TULP4: variants seen among roughly 807,000 people sequenced by gnomAD.
The protein encoded by TULP4 is TUB like protein 4.
Under a neutral mutation model 129.0 loss-of-function variants are expected in TULP4, and 16 were observed. The ratio of observed to expected loss-of-function variants is 0.12; its 90% CI spans 0.08 to 0.19. The LOEUF (loss-of-function observed/expected upper bound fraction) is 0.19, where lower values mean the gene tolerates loss of function less well. Ranked by LOEUF, TULP4 falls within the 10% of genes least tolerant of loss-of-function variation. The pLI, the probability that TULP4 is intolerant of heterozygous loss-of-function variation, is 1.00. For synonymous variants in TULP4, 998 were observed against 854.0 expected (o/e 1.17, Z -2.94); for missense variants, 1,842 against 2,059.1 (o/e 0.89, Z 2.04).
At chr6:158,473,605 G>C (rs1011848056) in intron 6 of TULP4, among the ~76,000 whole-genome samples, 1 of 152,168 alleles carries the variant, frequency 6.6e-6, no homozygotes, top group African/African-American at 2.4e-5. Flanking sequence ...TGCAACCTCT[G>C]CCTCCCGGGT....
chr6:158,378,649 T>C (rs1453249894), intron 1 of TULP4, among the ~76,000 whole-genome samples: 1 of 151,964 alleles, frequency 6.6e-6, no homozygotes, highest in Admixed American at 6.6e-5. Flanking sequence ...TGTGCCCGGC[T>C]GATTTTTGTA....
intron 5 of TULP4, among the ~76,000 whole-genome samples, chr6:158,461,169 T>C (rs1779414805): frequency 6.6e-6 from 1 of 152,188 alleles, no homozygotes; most frequent in South Asian, 2.1e-4. Context: ...CCCAGCACTT[T>C]GGGAGGCCAA....
chr6:158,492,178 T>A (rs1250068171), intron 9 of TULP4, among the ~76,000 whole-genome samples: 2 of 152,212 alleles, frequency 1.3e-5, no homozygotes, highest in African/African-American at 2.4e-5. Context: ...TCTTCTAGAT[T>A]TGAATCCTTT....
chr6:158,404,649 G>A (rs970020674), intron 1 of TULP4, among the ~76,000 whole-genome samples: 32 of 152,004 alleles, frequency 2.1e-4, no homozygotes, highest in African/African-American at 7.5e-4. Flanking sequence ...GGTGGTGCAC[G>A]CCTGTAATCC....
At chr6:158,461,209 C>T (rs1779416254) in intron 5 of TULP4, among the ~76,000 whole-genome samples, 1 of 152,104 alleles carries the variant, frequency 6.6e-6, no homozygotes, top group Non-Finnish European at 1.5e-5. Context: ...GTCGGGAGTT[C>T]GAGACCAGCC....
At chr6:158,239,096 G>A (rs1777792243) in intron 1 of TULP4, among the ~76,000 whole-genome samples, 2 of 117,314 alleles carry the variant, frequency 1.7e-5, no homozygotes, top group South Asian at 6.0e-4. Context: ...GCGGCTGGCC[G>A]GGCAGAGGGG....
intron 1 of TULP4, among the ~76,000 whole-genome samples, chr6:158,274,562 G>T (rs530180660): frequency 2.0e-5 from 3 of 152,056 alleles, no homozygotes; most frequent in Admixed American, 1.3e-4. Context: ...GGATCATGAG[G>T]TCAGGAGATC....
chr6:158,240,323 G>A (rs1583665978), intron 1 of TULP4, among the ~76,000 whole-genome samples: 2 of 86,586 alleles, frequency 2.3e-5, no homozygotes, highest in East Asian at 4.7e-4. Context: ...CTCCCGGACG[G>A]GGCGGCTGGC....
At chr6:158,392,716 A>G (rs1363147237) in intron 1 of TULP4, among the ~76,000 whole-genome samples, 2 of 149,988 alleles carry the variant, frequency 1.3e-5, no homozygotes, top group East Asian at 3.9e-4. Flanking sequence ...CTGAGTGGTG[A>G]AGCATTTTGG....
intron 1 of TULP4, among the ~76,000 whole-genome samples, chr6:158,391,181 G>A (rs1008441851): frequency 6.6e-6 from 1 of 152,214 alleles, no homozygotes; most frequent in Non-Finnish European, 1.5e-5. Flanking sequence ...TTCTTATACA[G>A]TGTAGTGTTT....
At chr6:158,461,453 T>A in intron 5 of TULP4, 110 bp from the exon 6 acceptor site, 1 of 1,013,002 alleles carries the variant, frequency 9.9e-7, no homozygotes, top group Non-Finnish European at 1.4e-6. Flanking sequence ...ATATTTTTGT[T>A]GTATTTGCTC....
At chr6:158,448,971 C>T in intron 3 of TULP4, 25 bp from the exon 4 acceptor site, 1 of 1,582,342 alleles carries the variant, frequency 6.3e-7, no homozygotes, top group Non-Finnish European at 8.6e-7. Flanking sequence ...GCCACTTGGT[C>T]AGAGGTCCCC....
At chr6:158,455,224 G>A (rs1406092810) in intron 5 of TULP4, among the ~76,000 whole-genome samples, 1 of 66,308 alleles carries the variant, frequency 1.5e-5, no homozygotes, top group South Asian at 6.7e-4. Flanking sequence ...ACAGGCGCCC[G>A]CCACCGCGCC....
rs1220250117 is a variant in TULP4 at position 158,413,181 on chromosome 6, C to T, written c.369C>T (p.Asp123=). The T allele has an allele frequency of 6.2e-7, 1 of 1,612,302 alleles. No individual in the cohort carries two copies. The highest frequency in any genetic ancestry group is 1.7e-5 in the Admixed American group (1 of 59,956). The stretch of plus-strand genomic sequence containing the variant: ...GGTGGTCTGTGGAGCTGGTCAACGA[C>T]CGCGGGGCGCAGGTGAGTGGCAGGC... ...EGRWSVELVN[D]RGAQVSDFTW... Residue 123 remains aspartate, a synonymous_variant, in exon 2 of 14, where the codon GAC becomes GAT. Coordinates refer to ENST00000367097, the MANE Select transcript of TULP4 (RefSeq NM_020245.5). This position sits in a 1 kb window ranked among gnomAD's most constrained non-coding sequence, Gnocchi z 4.9.
At chr6:158,440,092 G>A (rs1301004651) in intron 3 of TULP4, among the ~76,000 whole-genome samples, 2 of 151,876 alleles carry the variant, frequency 1.3e-5, no homozygotes, top group African/African-American at 4.8e-5. Context: ...TTGGGAGACC[G>A]AGGCGGGAGG....
At chr6:158,315,990 C>G (rs534296223) in intron 1 of TULP4, among the ~76,000 whole-genome samples, 1 of 152,224 alleles carries the variant, frequency 6.6e-6, no homozygotes, top group Non-Finnish European at 1.5e-5. Context: ...GCACGCCCCT[C>G]CTGAGAAGTA....
chr6:158,486,567 G>A (rs1283872889), intron 8 of TULP4, among the ~76,000 whole-genome samples: 31 of 151,868 alleles, frequency 2.0e-4, no homozygotes. Context: ...AAAAGGCAAG[G>A]AAAGAGCTCT....
chr6:158,242,415 C>A, intron 1 of TULP4: 1 of 1,269,342 alleles, frequency 7.9e-7, no homozygotes, highest in South Asian at 1.2e-5. Context: ...GTGGGAGTTT[C>A]GGACGAGATC....
intron 1 of TULP4, among the ~76,000 whole-genome samples, chr6:158,327,199 T>C (rs552050074): frequency 1.3e-5 from 2 of 152,242 alleles, no homozygotes; most frequent in South Asian, 4.1e-4. Flanking sequence ...TTGACTATTA[T>C]TACTCTAGGT....
Sources: allele counts gnomAD v4.1 joint callset (sites outside exome capture counted in the v4.1 genomes callset), GRCh38; gene constraint gnomAD v4.1.1; non-coding constraint Gnocchi (gnomAD v3.1); transcripts MANE v1.5; gene names NCBI Gene and HGNC (gene_info 2026-07-23, HGNC 2026-07-21).